The following RTN1 variants were observed in gnomAD, a reference collection of about 807,000 sequenced individuals.
The protein encoded by RTN1 is reticulon 1.
Under a neutral mutation model 65.5 loss-of-function variants are expected in RTN1, and 25 were observed. The ratio of observed to expected loss-of-function variants is 0.38; its 90% confidence interval spans 0.28 to 0.53. The LOEUF is 0.53. RTN1 is among the 20% of genes least tolerant of loss of function. The pLI is 0.79. For synonymous variants in RTN1, 471 were observed against 447.6 expected (o/e 1.05, Z -0.66); for missense variants, 983 against 1,025.4 (o/e 0.96, Z 0.57).
intron 1 of RTN1, among the ~76,000 whole-genome samples, chr14:59,775,063 G>A (rs905353523): frequency 3.9e-5 from 6 of 152,252 alleles, no homozygotes; most frequent in African/African-American, 1.2e-4. Flanking sequence ...CAGCTAGGGA[G>A]TACATTTCCC....
At chr14:59,676,539 T>A (rs948549092) in intron 3 of RTN1, among the ~76,000 whole-genome samples, 2 of 152,106 alleles carry the variant, frequency 1.3e-5, no homozygotes, top group Non-Finnish European at 1.5e-5. Context: ...ACCTAATCGA[T>A]GATTGGAAAA....
At position 59,604,170 on chromosome 14, in the gene RTN1, T is replaced by C. The variant is rs528905938; in HGVS notation, c.2113-249A>G. On this transcript the variant is annotated intron_variant, in intron 5 of 8. Coordinates refer to ENST00000267484, the MANE Select transcript of RTN1 (RefSeq NM_021136.3). ...AAGGAAATAATAATCTACGAAGCTG[T>C]GGCCCTTGACCGGTTTTTGCATAGG... 4.3e-5 allele frequency: 11 copies of C among 255,312 alleles called. No homozygotes were observed. The East Asian group carries it at 5.9e-4, about 14-fold the overall frequency. The allele number at this position is 255,312 out of a possible 1,614,324, so 15.8% of individuals were successfully genotyped here.
At chr14:59,802,791 G>A (rs1222744834) in intron 1 of RTN1, among the ~76,000 whole-genome samples, 2 of 152,092 alleles carry the variant, frequency 1.3e-5, no homozygotes, top group Non-Finnish European at 2.9e-5. Context: ...TTGCTAAAAT[G>A]GCAACTAATT....
At chr14:59,796,974 G>T (rs1886451662) in intron 1 of RTN1, among the ~76,000 whole-genome samples, 1 of 152,106 alleles carries the variant, frequency 6.6e-6, no homozygotes, top group South Asian at 2.1e-4. Context: ...AAAAGATCAG[G>T]TATGTTAAGG....
In RTN1 at chr14:59,828,068, T is replaced by C. The variant is rs901127154; in HGVS notation, c.241+42322A>G. On this transcript the variant is annotated intron_variant, in intron 1 of 8. Coordinates refer to ENST00000267484, the MANE Select transcript of RTN1 (RefSeq NM_021136.3). ...TTCAGGTGAGGCTTGTTTACTTTTATTCACCTTATATTGGAATGTGGCTTA... is the reference window on the plus strand; with the variant it reads ...TTCAGGTGAGGCTTGTTTACTTTTACTCACCTTATATTGGAATGTGGCTTA... 1.2e-4 allele frequency among the ~76,000 whole-genome samples: 18 copies of C among 152,350 alleles called. 1 individual carries two copies. Among genetic ancestry groups the C allele is most frequent in the Admixed American group, 8.5e-4 (13 of 15,312 alleles).
rs540772516 is a variant in RTN1 at position 59,718,009 on chromosome 14, A to T, written c.1765+8910T>A. 7.2e-5 allele frequency among the ~76,000 whole-genome samples: 11 copies of T among 152,278 alleles called. No individual in the cohort carries two copies. In the South Asian group the frequency reaches 2.3e-3, roughly 32 times the overall value. On this transcript the variant is annotated intron_variant, in intron 3 of 8. Transcript: ENST00000267484. Reference sequence around the variant, plus strand: ...GCCCGGGAATTCTGTATTTCAACAAACTGCTTCCGATATAAATGGTCTACC... The same window carrying T: ...GCCCGGGAATTCTGTATTTCAACAATCTGCTTCCGATATAAATGGTCTACC...
intron 2 of RTN1, among the ~76,000 whole-genome samples, chr14:59,735,509 CAT>C (rs1221567625): frequency 6.6e-6 from 1 of 152,106 alleles, no homozygotes; most frequent in African/African-American, 2.4e-5. Context: ...CATGCAAAGA[CAT>C]ATATAGGCTC....
At chr14:59,653,743 G>C (rs1883064816) in intron 3 of RTN1, among the ~76,000 whole-genome samples, 1 of 151,502 alleles carries the variant, frequency 6.6e-6, no homozygotes, top group Non-Finnish European at 1.5e-5. Flanking sequence ...CAGAATAATA[G>C]GTTCCCAAAA....
chr14:59,600,162 C>G (rs1881535094), intron 8 of RTN1, among the ~76,000 whole-genome samples: 1 of 152,096 alleles, frequency 6.6e-6, no homozygotes, highest in Non-Finnish European at 1.5e-5. Context: ...TAGACAGGGT[C>G]ACTCAGTATG....
intron 1 of RTN1, among the ~76,000 whole-genome samples, chr14:59,749,498 TATCTATATATAG>T (rs1422524155): frequency 1.3e-5 from 1 of 74,674 alleles, no homozygotes; most frequent in Non-Finnish European, 2.2e-5. Context: ...TATCTATATA[TATCTATATATAG>T]ATATCTATAT....
chr14:59,772,804 G>T (rs1218966398), intron 1 of RTN1, among the ~76,000 whole-genome samples: 1 of 125,846 alleles, frequency 7.9e-6, no homozygotes, highest in African/African-American at 3.4e-5. Flanking sequence ...AGTCAAAAAA[G>T]GACTGGGTTT....
intron 1 of RTN1, among the ~76,000 whole-genome samples, chr14:59,792,131 T>C (rs1886359791): frequency 6.6e-6 from 1 of 152,164 alleles, no homozygotes; most frequent in Non-Finnish European, 1.5e-5. Flanking sequence ...CATTATTTGA[T>C]GGCTGCCAGC....
chr14:59,665,733 AGGG>A (rs1883355394), intron 3 of RTN1, among the ~76,000 whole-genome samples: 1 of 152,180 alleles, frequency 6.6e-6, no homozygotes, highest in Non-Finnish European at 1.5e-5. Flanking sequence ...CTTAAAATAA[AGGG>A]ATGGAGGAAG....
At chr14:59,820,557 ATT>A (rs778941943) in intron 1 of RTN1, among the ~76,000 whole-genome samples, 3 of 151,890 alleles carry the variant, frequency 2.0e-5, no homozygotes, top group Non-Finnish European at 4.4e-5. Context: ...TCTTTAATTC[ATT>A]TTGAGTTGAT....
chr14:59,668,460 G>T (rs1423634540), intron 3 of RTN1, among the ~76,000 whole-genome samples: 2 of 152,130 alleles, frequency 1.3e-5, no homozygotes. Flanking sequence ...ATTCAAGATG[G>T]ATTAAAGACT....
At chr14:59,603,323 C>T in intron 6 of RTN1, 65 bp from the exon 7 acceptor site, 1 of 1,204,344 alleles carries the variant, frequency 8.3e-7, no homozygotes, top group East Asian at 2.4e-5. Context: ...CTTATAGACA[C>T]ATTTTTATAT....
At chr14:59,752,793 C>G (rs1885559163) in intron 1 of RTN1, among the ~76,000 whole-genome samples, 2 of 152,116 alleles carry the variant, frequency 1.3e-5, no homozygotes, top group South Asian at 4.1e-4. Context: ...CTACTGAGAA[C>G]AAGCTATGAC....
chr14:59,615,457 A>AG (rs1882076701), intron 3 of RTN1, among the ~76,000 whole-genome samples: 1 of 152,160 alleles, frequency 6.6e-6, no homozygotes, highest in Admixed American at 6.5e-5. Flanking sequence ...CTAAAAAAAA[A>AG]CAAAACAACA....
At chr14:59,613,594 G>C (rs937237742) in intron 3 of RTN1, among the ~76,000 whole-genome samples, 1 of 152,012 alleles carries the variant, frequency 6.6e-6, no homozygotes, top group Non-Finnish European at 1.5e-5. Context: ...CACCGCGCCC[G>C]GCCTATAGAT....
Sources: gnomAD v4.1 joint callset for allele counts (sites outside exome capture counted in the v4.1 genomes callset) on GRCh38, gnomAD v4.1.1 for gene constraint, MANE v1.5 for transcripts, NCBI Gene and HGNC (gene_info 2026-07-23, HGNC 2026-07-21) for gene names.